PRKAR1A: variants seen among roughly 807,000 people sequenced by gnomAD.
PRKAR1A encodes cAMP-dependent protein kinase type I-alpha regulatory subunit.
In PRKAR1A, 3 loss-of-function variants were observed where a neutral mutation model predicts 52.0. The observed-to-expected ratio is 0.06, with a 90% confidence interval of 0.03 to 0.15. PRKAR1A has a LOEUF of 0.15. PRKAR1A is among the 10% of genes least tolerant of loss of function. The probability of loss-of-function intolerance (pLI) is 1.00; values close to 1 mark genes in which losing one functional copy is unlikely to be tolerated. For missense variants in PRKAR1A, 240 were observed against 477.4 expected, an observed-to-expected ratio of 0.50 and a Z score of 4.63; for synonymous variants, 188 against 168.4, an observed-to-expected ratio of 1.12 and a Z score of -0.90.
upstream of PRKAR1A, among the ~76,000 whole-genome samples, chr17:68,510,289 C>T (rs1568683167): frequency 6.6e-6 from 1 of 151,492 alleles, no homozygotes; most frequent in African/African-American, 2.4e-5. Flanking sequence ...TTAACTTCTC[C>T]ATGTCTCATG....
the PRKAR1A span, chr17:68,426,243 G>GGA: frequency 2.5e-5 from 23 of 935,274 alleles, 1 homozygote; most frequent in Non-Finnish European, 3.3e-5. Context: ...CCTGGCGGGT[G>GGA]GGGAGCGGGG....
At chr17:68,426,254 G>GGGGCCCCCCCCCCCCCCCC in the PRKAR1A span, 1 of 816,912 alleles carries the variant, frequency 1.2e-6, no homozygotes, top group Non-Finnish European at 1.9e-6. Context: ...GGGAGCGGGG[G>GGGGCCCCCCCCCCCCCCCC]CTCAAATAAA....
intron 6 of PRKAR1A, 71 bp from the exon 7 acceptor site, chr17:68,525,683 G>T (rs1380572550): frequency 2.6e-6 from 4 of 1,523,666 alleles, no homozygotes; most frequent in Non-Finnish European, 2.7e-6. Context: ...TTTTAAAAAG[G>T]TTTGAGGGTT....
chr17:68,477,912 G>A, the PRKAR1A span, among the ~76,000 whole-genome samples: 1 of 151,976 alleles, frequency 6.6e-6, no homozygotes, highest in Non-Finnish European at 1.5e-5. Flanking sequence ...TAGGAGAGAC[G>A]GGGTTTCACC....
At chr17:68,429,955 G>A in the PRKAR1A span, 150 of 1,609,700 alleles carry the variant, frequency 9.3e-5, no homozygotes, top group East Asian at 3.0e-3. Context: ...ATACATTGAC[G>A]AAAGTGTGGT....
upstream of PRKAR1A, among the ~76,000 whole-genome samples, chr17:68,508,743 G>A (rs1029978841): frequency 6.6e-6 from 1 of 152,046 alleles, no homozygotes; most frequent in Non-Finnish European, 1.5e-5. Flanking sequence ...TTTTTACTTG[G>A]AACGCTTTAG....
At chr17:68,474,000 A>T in the PRKAR1A span, among the ~76,000 whole-genome samples, 1 of 152,126 alleles carries the variant, frequency 6.6e-6, no homozygotes, top group African/African-American at 2.4e-5. Flanking sequence ...ATGTGCATGT[A>T]TTCGTTTTTT....
the PRKAR1A span, among the ~76,000 whole-genome samples, chr17:68,471,750 C>A: frequency 0.015 from 2,259 of 152,262 alleles, 65 homozygotes; most frequent in East Asian, 0.083. Flanking sequence ...AGAGGCCCCC[C>A]ACTTGTGGGG....
chr17:68,502,467 G>A, the PRKAR1A span, among the ~76,000 whole-genome samples: 1 of 152,086 alleles, frequency 6.6e-6, no homozygotes, highest in Non-Finnish European at 1.5e-5. Flanking sequence ...TGGCTAAAAT[G>A]GGGCCAGGCA....
the PRKAR1A span, among the ~76,000 whole-genome samples, chr17:68,444,995 A>C: frequency 1.4e-5 from 2 of 140,684 alleles, no homozygotes; most frequent in East Asian, 4.1e-4. Flanking sequence ...ATCTCAGCTC[A>C]CTGCAACCTC....
At chr17:68,486,554 TTTC>T in the PRKAR1A span, among the ~76,000 whole-genome samples, 1 of 141,948 alleles carries the variant, frequency 7.0e-6, no homozygotes, top group Non-Finnish European at 1.5e-5. Context: ...TCTTTCTTTC[TTTC>T]TTTCTTTCTT....
the PRKAR1A span, among the ~76,000 whole-genome samples, chr17:68,472,363 G>A: frequency 6.6e-6 from 1 of 152,090 alleles, no homozygotes; most frequent in Non-Finnish European, 1.5e-5. Flanking sequence ...TGTTCTGGGG[G>A]ACACAGGTGG....
At chr17:68,534,027 C>T (rs2086043480), downstream of PRKAR1A, among the ~76,000 whole-genome samples, 1 of 152,158 alleles carries the variant, frequency 6.6e-6, no homozygotes, top group Non-Finnish European at 1.5e-5. Flanking sequence ...GCCCGTCTCC[C>T]AAAGGTATTA....
chr17:68,501,710 A>G, the PRKAR1A span, among the ~76,000 whole-genome samples: 2,738 of 152,228 alleles, frequency 0.018, 100 homozygotes, highest in African/African-American at 0.062. Context: ...CTCCCTCCTC[A>G]GCTTCCTAAA....
At chr17:68,541,165 C>T (rs977199080) in intron 11 of PRKAR1A, 2 of 609,424 alleles carry the variant, frequency 3.3e-6, no homozygotes, top group Admixed American at 6.1e-5. Flanking sequence ...TCCTTTAAGT[C>T]TGGTGGACAC....
intron 11 of PRKAR1A, chr17:68,540,419 C>T (rs908330337): frequency 1.3e-5 from 6 of 460,828 alleles, no homozygotes; most frequent in Non-Finnish European, 2.2e-5. Flanking sequence ...TGACGGCCAC[C>T]TTCATAAGTG....
chr17:68,487,314 C>G, the PRKAR1A span, among the ~76,000 whole-genome samples: 1 of 152,176 alleles, frequency 6.6e-6, no homozygotes, highest in African/African-American at 2.4e-5. Context: ...GGGAAATAAA[C>G]TTTACCTCCA....
chr17:68,426,237 G>C, the PRKAR1A span: 3 of 1,228,310 alleles, frequency 2.4e-6, no homozygotes, highest in Non-Finnish European at 3.5e-6. Flanking sequence ...CCATGACCTG[G>C]CGGGTGGGGA....
At chr17:68,490,637 T>TG in the PRKAR1A span, among the ~76,000 whole-genome samples, 1 of 152,084 alleles carries the variant, frequency 6.6e-6, no homozygotes, top group African/African-American at 2.4e-5. Flanking sequence ...TTCCCAGTTT[T>TG]GGGGATGCAT....
Sources: allele counts gnomAD v4.1 joint callset (sites outside exome capture counted in the v4.1 genomes callset), GRCh38; gene constraint gnomAD v4.1.1; transcripts MANE v1.5; gene names NCBI Gene and HGNC (gene_info 2026-07-23, HGNC 2026-07-21).